The following NRXN1 variants were observed in gnomAD, a reference collection of about 807,000 sequenced individuals.
The protein encoded by NRXN1 is neurexin-1.
A neutral mutation model predicts 150.9 loss-of-function variants in NRXN1; 39 were observed. The observed-to-expected ratio is 0.26, with a 90% CI of 0.20 to 0.34. NRXN1 has a LOEUF of 0.34. NRXN1 is among the 10% of genes least tolerant of loss of function. The probability of loss-of-function intolerance (pLI) is 1.00; values close to 1 mark genes in which losing one functional copy is unlikely to be tolerated. For synonymous variants in NRXN1, 924 were observed against 757.0 expected, an observed-to-expected ratio of 1.22 and a Z score of -3.62; for missense variants, 1,815 against 1,949.9, an observed-to-expected ratio of 0.93 and a Z score of 1.30.
At chr2:50,287,232 C>T (rs548392618) in intron 17 of NRXN1, among the ~76,000 whole-genome samples, 3 of 152,042 alleles carry the variant, frequency 2.0e-5, no homozygotes, top group Non-Finnish European at 4.4e-5. Flanking sequence ...CCTATAATTT[C>T]CTGGATTGAA....
chr2:50,184,541 T>A (rs754713315), intron 18 of NRXN1, among the ~76,000 whole-genome samples: 7 of 151,986 alleles, frequency 4.6e-5, no homozygotes, highest in Non-Finnish European at 8.8e-5. Context: ...ATTATTCCAA[T>A]AAAATTACCT....
intron 14 of NRXN1, among the ~76,000 whole-genome samples, chr2:50,496,740 T>C (rs981598185): frequency 2.6e-5 from 4 of 152,302 alleles, no homozygotes; most frequent in African/African-American, 7.2e-5. Context: ...GAAGTATATA[T>C]ATTTATATCC....
intron 17 of NRXN1, among the ~76,000 whole-genome samples, chr2:50,425,215 T>C (rs2084382300): frequency 6.6e-6 from 1 of 152,228 alleles, no homozygotes; most frequent in African/African-American, 2.4e-5. Context: ...CTTGTATTAA[T>C]TGTCAATAGT....
intron 12 of NRXN1, among the ~76,000 whole-genome samples, chr2:50,518,459 T>C (rs1315286500): frequency 1.3e-5 from 2 of 151,952 alleles, no homozygotes; most frequent in Admixed American, 1.3e-4. Context: ...AGTGTTTGTG[T>C]AGTGTTAAAG....
chr2:50,928,792 A>T (rs1286414346), intron 2 of NRXN1, among the ~76,000 whole-genome samples: 2 of 151,990 alleles, frequency 1.3e-5, no homozygotes. Context: ...AGTTAGGGAA[A>T]ATCTCTTGGT....
At chr2:50,270,469 A>G (rs1456171233) in intron 17 of NRXN1, among the ~76,000 whole-genome samples, 1 of 152,096 alleles carries the variant, frequency 6.6e-6, no homozygotes, top group African/African-American at 2.4e-5. Context: ...AGGATTTAAA[A>G]TTGGAGATCT....
At chr2:50,477,085 A>G (rs943274563) in intron 15 of NRXN1, among the ~76,000 whole-genome samples, 1 of 152,172 alleles carries the variant, frequency 6.6e-6, no homozygotes, top group Non-Finnish European at 1.5e-5. Context: ...AGACACAGGG[A>G]ACAGCACAAT....
At chr2:50,697,081 C>T (rs566952499) in intron 5 of NRXN1, among the ~76,000 whole-genome samples, 3 of 152,022 alleles carry the variant, frequency 2.0e-5, no homozygotes, top group Admixed American at 6.6e-5. Flanking sequence ...AATATGAATA[C>T]CCTGCAACCT....
At chr2:50,975,112 T>C (rs1695616604) in intron 2 of NRXN1, among the ~76,000 whole-genome samples, 1 of 152,098 alleles carries the variant, frequency 6.6e-6, no homozygotes, top group South Asian at 2.1e-4. Context: ...CTCAACATCT[T>C]GCAAATGTAT....
intron 5 of NRXN1, among the ~76,000 whole-genome samples, chr2:50,786,887 C>G (rs889671233): frequency 2.0e-5 from 3 of 152,044 alleles, no homozygotes; most frequent in Admixed American, 6.6e-5. Flanking sequence ...AAGCTAATAA[C>G]ATATAAAAAA....
intron 5 of NRXN1, among the ~76,000 whole-genome samples, chr2:50,739,752 T>C (rs1489354627): frequency 2.0e-5 from 3 of 152,194 alleles, no homozygotes. Flanking sequence ...TCACAGATTA[T>C]GTAAGTATCT....
chr2:50,865,383 G>T (rs1676734770), intron 5 of NRXN1, among the ~76,000 whole-genome samples: 1 of 151,844 alleles, frequency 6.6e-6, no homozygotes. Flanking sequence ...AAATTAGTGT[G>T]TGTCTCTGTG....
intron 17 of NRXN1, among the ~76,000 whole-genome samples, chr2:50,344,140 T>A (rs1464335914): frequency 6.6e-6 from 1 of 152,128 alleles, no homozygotes; most frequent in Admixed American, 6.6e-5. Flanking sequence ...ATCACCTCTT[T>A]CTTATTAGGT....
intron 5 of NRXN1, among the ~76,000 whole-genome samples, chr2:50,653,524 A>G (rs72885667): frequency 0.025 from 3,761 of 152,160 alleles, 155 homozygotes; most frequent in African/African-American, 0.086. Context: ...CTATGTCTAG[A>G]GAAACTTTTA....
Position 49,950,521 on chromosome 2 carries a change from G to C in NRXN1, c.4129-6730C>G, listed in dbSNP as rs191998972. On this transcript the variant is annotated intron_variant, in intron 21 of 22. Transcript: ENST00000401669. ...TTCTGATAGGCATAAAATATTCTCA[G>C]TACACATGAAGGTATAAATTGTGGT... Among the ~76,000 whole-genome samples, 7 of 152,048 alleles carry C rather than the reference G, an allele frequency of 4.6e-5. No individual in the cohort carries two copies. In the East Asian group the frequency reaches 1.2e-3, roughly 25 times the overall value.
intron 8 of NRXN1, among the ~76,000 whole-genome samples, chr2:50,568,549 A>G (rs989479486): frequency 3.9e-5 from 6 of 152,222 alleles, no homozygotes; most frequent in Non-Finnish European, 4.4e-5. Flanking sequence ...GCTGCTCAAC[A>G]TCACTGATCA....
At chr2:50,566,064 G>C (rs1323787586) in intron 8 of NRXN1, among the ~76,000 whole-genome samples, 2 of 152,162 alleles carry the variant, frequency 1.3e-5, no homozygotes, top group Non-Finnish European at 2.9e-5. Flanking sequence ...CCCGACACTA[G>C]GTTGGCCACC....
chr2:50,663,599 T>C (rs1687611789), intron 5 of NRXN1, among the ~76,000 whole-genome samples: 1 of 152,068 alleles, frequency 6.6e-6, no homozygotes, highest in Non-Finnish European at 1.5e-5. Context: ...TAATTCTGTT[T>C]GGGTTGGACT....
chr2:50,676,624 T>C (rs774039017), intron 5 of NRXN1, among the ~76,000 whole-genome samples: 6 of 152,180 alleles, frequency 3.9e-5, no homozygotes, highest in Non-Finnish European at 8.8e-5. Context: ...ACCATGCATA[T>C]GCTAACCATT....
Sources: gnomAD v4.1 joint callset for allele counts (sites outside exome capture counted in the v4.1 genomes callset) on GRCh38, gnomAD v4.1.1 for gene constraint, MANE v1.5 for transcripts, NCBI Gene and HGNC (gene_info 2026-07-23, HGNC 2026-07-21) for gene names.